TMEM229B: variants seen among roughly 807,000 people sequenced by gnomAD.
The protein encoded by TMEM229B is chromosome 14 open reading frame 83.
Under a neutral mutation model 13.7 loss-of-function variants are expected in TMEM229B, and 6 were observed. The observed-to-expected ratio is 0.44, with a 90% CI of 0.24 to 0.86. The LOEUF is 0.86. TMEM229B is among the 40% of genes least tolerant of loss of function. TMEM229B has a pLI of 0.23. For missense variants in TMEM229B, 170 were observed against 236.0 expected (o/e 0.72, Z 1.83); for synonymous variants, 107 against 102.1 (o/e 1.05, Z -0.29).
intron 1 of TMEM229B, among the ~76,000 whole-genome samples, chr14:67,497,354 C>T (rs1013927463): frequency 1.3e-5 from 2 of 152,072 alleles, no homozygotes; most frequent in Admixed American, 1.3e-4. Flanking sequence ...ATACAAATAC[C>T]GAGACACTGT....
chr14:67,482,543 C>A (rs1211829623), intron 2 of TMEM229B, among the ~76,000 whole-genome samples: 1 of 152,214 alleles, frequency 6.6e-6, no homozygotes, highest in African/African-American at 2.4e-5. Context: ...CCCATCACTA[C>A]AGTTCCATGT....
chr14:67,503,871 T>G lies in TMEM229B; in HGVS notation c.-192+11215A>C, dbSNP rs564849603. 3.3e-5 allele frequency among the ~76,000 whole-genome samples: 5 copies of G among 150,906 alleles called. No individual in the cohort carries two copies. In the South Asian group the frequency reaches 1.0e-3, roughly 32 times the overall value. The stretch of plus-strand genomic sequence containing the variant: ...GGTGCTCACCACCATGCCTGGTTAA[T>G]TTTTGTATTTTTAGTAGAGACAGGG... On this transcript the variant is annotated intron_variant, in intron 1 of 2. Transcript: ENST00000357461.
intron 1 of TMEM229B, among the ~76,000 whole-genome samples, chr14:67,497,196 A>T (rs376689765): frequency 6.6e-6 from 1 of 152,152 alleles, no homozygotes; most frequent in East Asian, 1.9e-4. Context: ...CTGCGGGCAC[A>T]CACGAATGCC....
chr14:67,531,652 T>A (rs147802948), intron 1 of TMEM229B, among the ~76,000 whole-genome samples: 3 of 150,590 alleles, frequency 2.0e-5, no homozygotes, highest in African/African-American at 7.3e-5. Flanking sequence ...CGGTGGCTCA[T>A]CCCTGTAATC....
chr14:67,472,588 G>A lies in TMEM229B; in HGVS notation c.*832C>T. 6.8e-6 allele frequency: 1 copy of A among 147,512 alleles called. No individual in the cohort carries two copies. The highest frequency in any genetic ancestry group is 2.0e-4 in the East Asian group (1 of 4,928). 9.1% of individuals were successfully genotyped at this position (147,512 alleles called of 1,614,324 possible). A position where few individuals can be genotyped will look rare whatever the true frequency, so the allele number is the denominator to read the frequency against. ...AGGCCAGCCGGAACAGTGGAGGGAA[G>A]GGCTGCAAGGGGGTGAGGGTTGGGG... On this transcript the variant is annotated 3_prime_UTR_variant, in exon 3 of 3. Transcript: ENST00000554480.
At chr14:67,474,514 A>G (rs994068645) in intron 2 of TMEM229B, among the ~76,000 whole-genome samples, 7 of 152,264 alleles carry the variant, frequency 4.6e-5, no homozygotes, top group Non-Finnish European at 1.0e-4. Context: ...AAACAGTTCC[A>G]TGTCACTCAT....
upstream of TMEM229B, among the ~76,000 whole-genome samples, chr14:67,491,095 T>C (rs1307117567): frequency 6.6e-6 from 1 of 152,180 alleles, no homozygotes; most frequent in Non-Finnish European, 1.5e-5. Context: ...TTCTGAACAA[T>C]TGGTTACAAA....
At chr14:67,515,597 A>G (rs1476902838), upstream of TMEM229B, 1 of 152,406 alleles carries the variant, frequency 6.6e-6, no homozygotes, top group African/African-American at 2.4e-5. Flanking sequence ...CGGCCCCGCC[A>G]CGGGCGCCTA....
At chr14:67,494,198 A>G (rs1594698766) in intron 1 of TMEM229B, among the ~76,000 whole-genome samples, 1 of 152,224 alleles carries the variant, frequency 6.6e-6, no homozygotes, top group Non-Finnish European at 1.5e-5. Context: ...AGGCAAGAGT[A>G]ATTAAAGGGA....
At chr14:67,485,495 A>G (rs1282054565) in intron 2 of TMEM229B, among the ~76,000 whole-genome samples, 2 of 152,210 alleles carry the variant, frequency 1.3e-5, no homozygotes, top group Non-Finnish European at 2.9e-5. Flanking sequence ...AAATTCCTGC[A>G]TGGAATCTGA....
chr14:67,518,994 A>G (rs917663512), upstream of TMEM229B, among the ~76,000 whole-genome samples: 12 of 152,224 alleles, frequency 7.9e-5, no homozygotes, highest in African/African-American at 2.4e-4. Context: ...GTTGAAGCCA[A>G]TCTTGAATCT....
At chr14:67,498,082 C>T (rs2032462206) in intron 1 of TMEM229B, among the ~76,000 whole-genome samples, 1 of 152,170 alleles carries the variant, frequency 6.6e-6, no homozygotes. Context: ...CCAAAGAGAA[C>T]AATTGTTTTT....
chr14:67,502,255 T>C (rs1395225522), intron 1 of TMEM229B, among the ~76,000 whole-genome samples: 6 of 148,272 alleles, frequency 4.0e-5, no homozygotes, highest in South Asian at 2.2e-4. Flanking sequence ...CACTTGAACC[T>C]GGGAGGTGGA....
At chr14:67,495,224 G>A (rs1209270562) in intron 1 of TMEM229B, among the ~76,000 whole-genome samples, 2 of 152,036 alleles carry the variant, frequency 1.3e-5, no homozygotes, top group East Asian at 1.9e-4. Context: ...TGGGGTTTCC[G>A]CCTGCCAAAT....
Position 67,524,124 on chromosome 14 carries a change from C to T in TMEM229B, c.-192+9512G>A, listed in dbSNP as rs189784308. On this transcript the variant is annotated intron_variant, in intron 1 of 2. Transcript: ENST00000554278. Reference sequence around the variant, plus strand: ...ATGGGAGATTAATACTCTCTCACAACCTTGGGCTTTTGATATTTATTTTTT... The same window carrying T: ...ATGGGAGATTAATACTCTCTCACAATCTTGGGCTTTTGATATTTATTTTTT... Among the ~76,000 whole-genome samples the T allele has an allele frequency of 9.2e-5, 14 of 152,292 alleles. No homozygotes were observed. The East Asian group carries it at 2.7e-3, about 29-fold the overall frequency.
At chr14:67,507,818 T>C (rs1369476712) in intron 1 of TMEM229B, among the ~76,000 whole-genome samples, 1 of 152,142 alleles carries the variant, frequency 6.6e-6, no homozygotes, top group Non-Finnish European at 1.5e-5. Flanking sequence ...ACACCACCTC[T>C]CAGCTGCCCC....
intron 2 of TMEM229B, among the ~76,000 whole-genome samples, chr14:67,477,182 AT>A (rs1452251098): frequency 6.8e-5 from 10 of 146,356 alleles, no homozygotes; most frequent in South Asian, 2.1e-4. Context: ...AAAAAAAAAA[AT>A]GTTCGATATC....
chr14:67,516,641 G>A (rs796537677), upstream of TMEM229B, among the ~76,000 whole-genome samples: 14 of 152,238 alleles, frequency 9.2e-5, no homozygotes, highest in African/African-American at 3.4e-4. Context: ...ATTGTCTGAT[G>A]GGGCCGTAGG....
At chr14:67,528,934 T>C (rs1027924594) in intron 1 of TMEM229B, among the ~76,000 whole-genome samples, 4 of 152,000 alleles carry the variant, frequency 2.6e-5, no homozygotes, top group African/African-American at 9.7e-5. Context: ...AGACATGAGG[T>C]TAGATTTGGA....
Sources: gnomAD v4.1 joint callset for allele counts (sites outside exome capture counted in the v4.1 genomes callset) on GRCh38, gnomAD v4.1.1 for gene constraint, MANE v1.5 for transcripts, NCBI Gene and HGNC (gene_info 2026-07-23, HGNC 2026-07-21) for gene names.